VWA3A: variants seen among roughly 807,000 people sequenced by gnomAD.
The protein encoded by VWA3A is von Willebrand factor A domain containing 3A.
VWA3A carries 134 observed loss-of-function variants against 160.4 expected under a neutral mutation model. That is an observed-to-expected ratio of 0.84 (90% CI 0.73 to 0.96). The LOEUF is 0.96. Ranked by LOEUF, VWA3A falls within the 40% of genes least tolerant of loss-of-function variation. The pLI is 0.00. For missense variants in VWA3A, 1,310 were observed against 1,447.9 expected, an observed-to-expected ratio of 0.90 and a Z score of 1.55; for synonymous variants, 476 against 543.4, an observed-to-expected ratio of 0.88 and a Z score of 1.72.
At position 22,120,013 on chromosome 16, in the gene VWA3A, CAA is replaced by C. The variant is rs796688602; in HGVS notation, c.1117-941_1117-940del. 6.4e-5 allele frequency among the ~76,000 whole-genome samples: 7 copies of C among 109,904 alleles called. No individual in the cohort carries two copies. In the East Asian group the frequency reaches 7.7e-4, roughly 12 times the overall value. 72.1% of individuals were successfully genotyped at this position (109,904 alleles called of 152,430 possible). A position where few individuals can be genotyped will look rare whatever the true frequency, so the allele number is the denominator to read the frequency against. ...ATCTTGGGTAACAGAACAAGACTCCCAAAAAAAAAAAAAAATTATAATAGTTC... is the reference window on the plus strand; with the variant it reads ...ATCTTGGGTAACAGAACAAGACTCCCAAAAAAAAAAAAATTATAATAGTTC... On this transcript the variant is annotated intron_variant, in intron 12 of 33. Transcript: ENST00000389398.
intron 11 of VWA3A, among the ~76,000 whole-genome samples, chr16:22,118,628 G>A (rs547580829): frequency 7.2e-5 from 11 of 152,322 alleles, no homozygotes; most frequent in South Asian, 6.2e-4. Context: ...GGAGCTTGCC[G>A]TGAGCCGATA....
intron 5 of VWA3A, among the ~76,000 whole-genome samples, chr16:22,102,272 C>T (rs1285524196): frequency 2.0e-5 from 3 of 151,988 alleles, no homozygotes; most frequent in Admixed American, 2.0e-4. Flanking sequence ...ATCACCTGAG[C>T]CAAGGGAGGT....
chr16:22,100,402 CT>C lies in VWA3A; in HGVS notation c.351-11del, dbSNP rs1183074361. 1.3e-6 allele frequency: 2 copies of C among 1,551,536 alleles called. No individual in the cohort carries two copies. Among genetic ancestry groups the C allele is most frequent in the Non-Finnish European group, 1.7e-6 (2 of 1,146,994 alleles). ...GGGCCCGAGAGATCCCCTCATAAGG[CT>C]TTGCTTCTTCAGGGAGGAGGGCACC... is the stretch of plus-strand genomic sequence containing the variant. On this transcript the variant is annotated splice_polypyrimidine_tract_variant and intron_variant, in intron 4 of 33. Coordinates refer to ENST00000389398, the MANE Select transcript of VWA3A (RefSeq NM_173615.5).
intron 5 of VWA3A, 139 bp from the exon 6 acceptor site, chr16:22,103,336 G>T (rs2045435299): frequency 6.7e-6 from 5 of 746,526 alleles, no homozygotes; most frequent in South Asian, 5.9e-5. Flanking sequence ...GCACCTAAAA[G>T]GTTCACCACC....
At chr16:22,146,520 C>T (rs920131145) in intron 27 of VWA3A, among the ~76,000 whole-genome samples, 176 bp downstream of exon 27, 3 of 152,096 alleles carry the variant, frequency 2.0e-5, no homozygotes, top group Non-Finnish European at 4.4e-5. Context: ...GGCGTGGTGG[C>T]TCATGCCTGT....
In VWA3A at chr16:22,118,762, A is replaced by G. The variant is rs1315287136; in HGVS notation, c.991-140A>G. The G allele has an allele frequency of 7.4e-6, 8 of 1,086,458 alleles. No homozygotes were observed. The East Asian group carries it at 1.5e-4, about 20-fold the overall frequency. 67.3% of individuals were successfully genotyped at this position (1,086,458 alleles called of 1,614,324 possible). A position where few individuals can be genotyped will look rare whatever the true frequency, so the allele number is the denominator to read the frequency against. On this transcript the variant is annotated intron_variant, in intron 11 of 33. Transcript: ENST00000389398. ...CATGTCTGCAGGCTCTGTCTGGCAC[A>G]TGGGTCCCAGTGTATAAGGCCTGGT...
At chr16:22,136,183 C>T (rs934425559) in intron 21 of VWA3A, among the ~76,000 whole-genome samples, 2 of 152,138 alleles carry the variant, frequency 1.3e-5, no homozygotes, top group African/African-American at 4.8e-5. Flanking sequence ...AGCCAGATCC[C>T]GTGAGGAGCA....
Position 22,116,885 on chromosome 16 carries a change from T to C in VWA3A, c.924+18T>C, listed in dbSNP as rs1182779522. ...TGCCCCCTGTGAGTGCCCGAGATTC[T>C]CTGAGGTGCCCCTTGGCTTTGGTGG... On this transcript the variant is annotated intron_variant, in intron 10 of 33. Transcript: ENST00000389398. 1 of 1,605,978 alleles carries C rather than the reference T, an allele frequency of 6.2e-7. No individual in the cohort carries two copies. The highest frequency in any genetic ancestry group is 1.3e-5 in the African/African-American group (1 of 74,798).
At position 22,133,012 on chromosome 16, in the gene VWA3A, A is replaced by C; in HGVS notation, c.1985A>C (p.Tyr662Ser). Reference protein sequence around the residue: ...PKMDTTPPARYASHTDTAAAY... With the variant: ...PKMDTTPPARSASHTDTAAAY... ...ATGGACACCACACCCCCTGCCCGCT[A>C]TGCCAGTCACACTGACACAGCCGCC... Residue 662 changes from tyrosine (Y) to serine (S), a missense_variant, in exon 20 of 34, where the codon TAT becomes TCT. Transcript: ENST00000389398. The C allele has an allele frequency of 6.2e-7, 1 of 1,613,982 alleles. No individual in the cohort carries two copies. The highest frequency in any genetic ancestry group is 8.5e-7 in the Non-Finnish European group (1 of 1,179,894).
At chr16:22,107,489 C>G (rs73533992) in intron 6 of VWA3A, among the ~76,000 whole-genome samples, 1 of 152,096 alleles carries the variant, frequency 6.6e-6, no homozygotes, top group Non-Finnish European at 1.5e-5. Context: ...TGGCTGCAAT[C>G]TCAGCACTTT....
At chr16:22,109,842 C>T (rs1193724404) in intron 7 of VWA3A, among the ~76,000 whole-genome samples, 1 of 152,252 alleles carries the variant, frequency 6.6e-6, no homozygotes, top group Non-Finnish European at 1.5e-5. Flanking sequence ...GACTCAAGAG[C>T]TCCCACGTTT....
rs778928160 is a variant in VWA3A, at chr16:22,103,534, C to T, written c.483+5C>T. ...CTCACAGAAAACAGCAAGAAGGTAA[C>T]GGGCATAGATTTCATTCTTTGCCCC... is the stretch of plus-strand genomic sequence containing the variant. On this transcript the variant is annotated splice_donor_5th_base_variant and intron_variant, in intron 6 of 33. Transcript: ENST00000389398. The T allele has an allele frequency of 1.9e-5, 29 of 1,551,478 alleles. 1 individual carries two copies. Among genetic ancestry groups the T allele is most frequent in the South Asian group, 1.2e-4 (10 of 84,050 alleles).
At chr16:22,113,384 TTTTTTTTTTTTTG>T (rs1466164612) in intron 8 of VWA3A, among the ~76,000 whole-genome samples, 5 of 128,994 alleles carry the variant, frequency 3.9e-5, no homozygotes, top group African/African-American at 1.5e-4. Context: ...TTTTTTTTTT[TTTTTTTTTTTTTG>T]TATTTTTAGT....
chr16:22,150,842 G>T lies in VWA3A; in HGVS notation c.3277G>T (p.Asp1093Tyr), dbSNP rs1354191602. 1 of 1,612,768 alleles carries T rather than the reference G, an allele frequency of 6.2e-7. No homozygotes were observed. Among genetic ancestry groups the T allele is most frequent in the African/African-American group, 1.3e-5 (1 of 74,896 alleles). The part of the protein sequence containing the change: ...KVHTISLNCS[D>Y]RAAVEFLRKL... ...GCACACCATTTCCTTGAACTGCTCA[G>T]ACAGGTGCGCAATATGGAGTCTGAC... The change falls in exon 30 of 34, where the codon GAC becomes TAC. Residue 1093 changes from aspartate to tyrosine, a missense_variant. Coordinates refer to ENST00000389398, the MANE Select transcript of VWA3A (RefSeq NM_173615.5).
chr16:22,120,929 A>C (rs760507712), intron 12 of VWA3A, 39 bp from the exon 13 acceptor site: 1 of 1,611,644 alleles, frequency 6.2e-7, no homozygotes, highest in African/African-American at 1.3e-5. Flanking sequence ...TCAGCTCTAA[A>C]ATATGATTAT....
chr16:22,141,804 C>T (rs2046155633), intron 24 of VWA3A, 112 bp downstream of exon 24: 1 of 831,750 alleles, frequency 1.2e-6, no homozygotes, highest in Middle Eastern at 2.8e-4. Context: ...GACCTAGGCA[C>T]TGGTGCCTCT....
chr16:22,140,608 CTTT>C (rs1162326276), intron 23 of VWA3A, among the ~76,000 whole-genome samples: 4 of 134,512 alleles, frequency 3.0e-5, no homozygotes, highest in Admixed American at 7.6e-5. Flanking sequence ...CCTGTCTCTA[CTTT>C]TTTTTTTTTT....
At chr16:22,094,287 G>C (rs2045282075) in intron 1 of VWA3A, among the ~76,000 whole-genome samples, 1 of 151,174 alleles carries the variant, frequency 6.6e-6, no homozygotes, top group Non-Finnish European at 1.5e-5. Context: ...TGCCATTAGA[G>C]TCTCCCAGGA....
intron 24 of VWA3A, among the ~76,000 whole-genome samples, chr16:22,142,403 A>G (rs1486781436): frequency 6.6e-6 from 1 of 152,116 alleles, no homozygotes; most frequent in Non-Finnish European, 1.5e-5. Context: ...TGCAGAGATC[A>G]CATGGAGAGA....
Sources: allele counts gnomAD v4.1 joint callset (sites outside exome capture counted in the v4.1 genomes callset), GRCh38; gene constraint gnomAD v4.1.1; transcripts MANE v1.5; gene names NCBI Gene and HGNC (gene_info 2026-07-23, HGNC 2026-07-21).